Variants in EIF4ENIF1 observed in about 807,000 individuals in gnomAD.
EIF4ENIF1 encodes the protein eukaryotic translation initiation factor 4E nuclear import factor 1.
Under a neutral mutation model 110.5 loss-of-function variants are expected in EIF4ENIF1, and 23 were observed. That is an observed-to-expected ratio of 0.21 (90% CI 0.15 to 0.29). EIF4ENIF1 has a LOEUF of 0.29. Among genes scored for constraint, EIF4ENIF1 ranks in the 10% least tolerant of loss-of-function variants. EIF4ENIF1 has a pLI of 1.00. For missense variants in EIF4ENIF1, 1,031 were observed against 1,221.1 expected, an observed-to-expected ratio of 0.84 and a Z score of 2.32; for synonymous variants, 440 against 437.0, an observed-to-expected ratio of 1.01 and a Z score of -0.09.
chr22:31,475,774 C>T (rs990148668), intron 2 of EIF4ENIF1, among the ~76,000 whole-genome samples: 3 of 150,656 alleles, frequency 2.0e-5, no homozygotes, highest in African/African-American at 7.3e-5. Flanking sequence ...ACTCAGGAGG[C>T]TGCGGTGGGA....
At position 31,478,506 on chromosome 22, in the gene EIF4ENIF1, ACT is replaced by A. The variant is rs1188545461; in HGVS notation, c.97-6591_97-6590del. The stretch of plus-strand genomic sequence containing the variant: ...ACTACAGCATGGGTGACAGAGCAAG[ACT>A]CTGTCTCAAAAAAAAAAAAAAAAAA... On this transcript the variant is annotated intron_variant, in intron 2 of 18. Transcript: ENST00000330125. 7.7e-5 allele frequency among the ~76,000 whole-genome samples: 7 copies of A among 91,150 alleles called. No individual in the cohort carries two copies. The South Asian group carries it at 2.1e-3, about 27-fold the overall frequency. The allele number at this position is 91,150 out of a possible 152,430, so 59.8% of individuals were successfully genotyped here.
intron 16 of EIF4ENIF1, among the ~76,000 whole-genome samples, chr22:31,442,433 C>T (rs2050331204): frequency 6.6e-6 from 1 of 152,102 alleles, no homozygotes; most frequent in African/African-American, 2.4e-5. Flanking sequence ...ATTTCCTCCC[C>T]ACCACCCACC....
At chr22:31,471,944 T>C (rs2051395710) in intron 2 of EIF4ENIF1, 27 bp from the exon 3 acceptor site, 2 of 1,557,706 alleles carry the variant, frequency 1.3e-6, no homozygotes, top group African/African-American at 2.8e-5. Flanking sequence ...AATAGTCATT[T>C]TGAATTACAT....
At chr22:31,468,385 A>G in intron 3 of EIF4ENIF1, 83 bp from the exon 4 acceptor site, 2 of 1,572,240 alleles carry the variant, frequency 1.3e-6, no homozygotes, top group Non-Finnish European at 8.7e-7. Context: ...CTCAGCTAAT[A>G]GTTATGGAAA....
At chr22:31,478,302 CAGG>C (rs1245175985) in intron 2 of EIF4ENIF1, among the ~76,000 whole-genome samples, 1 of 152,006 alleles carries the variant, frequency 6.6e-6, no homozygotes, top group East Asian at 1.9e-4. Flanking sequence ...TCACTTGAGT[CAGG>C]AGTTCATGAG....
At chr22:31,455,081 G>A in intron 9 of EIF4ENIF1, 55 bp downstream of exon 9, 1 of 1,469,334 alleles carries the variant, frequency 6.8e-7, no homozygotes. Context: ...ACTGCCTGAA[G>A]ACTGAACATC....
At chr22:31,491,211 A>G (rs2052269138), upstream of EIF4ENIF1, among the ~76,000 whole-genome samples, 2 of 152,308 alleles carry the variant, frequency 1.3e-5, no homozygotes, top group African/African-American at 2.4e-5. Context: ...AAGGTGGGTA[A>G]AAAACCATAT....
downstream of EIF4ENIF1, among the ~76,000 whole-genome samples, chr22:31,438,114 A>T (rs1198309889): frequency 1.3e-5 from 2 of 152,178 alleles, no homozygotes; most frequent in African/African-American, 4.8e-5. Flanking sequence ...CTACCCTTGT[A>T]GTCAAAAATC....
chr22:31,453,231 T>C, intron 10 of EIF4ENIF1: 2 of 251,500 alleles, frequency 8.0e-6, no homozygotes, highest in South Asian at 8.6e-5. Context: ...CAGTATATTA[T>C]AAACATTTGC....
chr22:31,489,410 G>C (rs1392603343), intron 1 of EIF4ENIF1: 1 of 152,028 alleles, frequency 6.6e-6, no homozygotes, highest in Non-Finnish European at 1.5e-5. Context: ...GCCGGCCGCA[G>C]GGAGGAGGGA....
At chr22:31,469,793 G>A (rs971853478) in intron 3 of EIF4ENIF1, among the ~76,000 whole-genome samples, 1 of 152,118 alleles carries the variant, frequency 6.6e-6, no homozygotes, top group Non-Finnish European at 1.5e-5. Flanking sequence ...TCTGGACTCA[G>A]GTGATCCTCC....
intron 2 of EIF4ENIF1, among the ~76,000 whole-genome samples, chr22:31,481,364 A>G (rs5998000): frequency 2.0e-4 from 30 of 151,042 alleles, no homozygotes; most frequent in African/African-American, 6.6e-4. Flanking sequence ...GTCTCACTAT[A>G]TTGCCCAGTC....
chr22:31,457,292 T>G (rs996444629), intron 7 of EIF4ENIF1, among the ~76,000 whole-genome samples: 1 of 152,226 alleles, frequency 6.6e-6, no homozygotes, highest in Non-Finnish European at 1.5e-5. Flanking sequence ...ATTGCTTTGG[T>G]AGAAATTATG....
intron 3 of EIF4ENIF1, among the ~76,000 whole-genome samples, chr22:31,471,176 TG>T (rs1488204125): frequency 6.6e-6 from 1 of 151,896 alleles, no homozygotes; most frequent in African/African-American, 2.4e-5. Flanking sequence ...TCTGAACGGC[TG>T]AATAGTTTTT....
At chr22:31,448,737 A>C (rs916397899) in intron 12 of EIF4ENIF1, among the ~76,000 whole-genome samples, 1 of 152,240 alleles carries the variant, frequency 6.6e-6, no homozygotes, top group Non-Finnish European at 1.5e-5. Context: ...CTTTTCTTTC[A>C]GTCACATTCT....
chr22:31,438,939 C>A (rs2050214393), downstream of EIF4ENIF1, among the ~76,000 whole-genome samples: 2 of 152,062 alleles, frequency 1.3e-5, no homozygotes, highest in South Asian at 4.1e-4. Flanking sequence ...CTAGGATGGT[C>A]TTGATCTCTT....
chr22:31,446,127 T>C (rs1439691345), intron 14 of EIF4ENIF1, among the ~76,000 whole-genome samples: 1 of 151,154 alleles, frequency 6.6e-6, no homozygotes, highest in African/African-American at 2.4e-5. Flanking sequence ...CTACTAAAAA[T>C]ACAAAAAACT....
At chr22:31,477,536 C>T (rs5997998) in intron 2 of EIF4ENIF1, among the ~76,000 whole-genome samples, 31 of 152,276 alleles carry the variant, frequency 2.0e-4, no homozygotes, top group African/African-American at 6.7e-4. Context: ...TTTTCACTTC[C>T]GTATTCCAGT....
chr22:31,455,321 ATT>A lies in EIF4ENIF1; in HGVS notation c.1100-8_1100-7del. On this transcript the variant is annotated splice_region_variant and splice_polypyrimidine_tract_variant and intron_variant, in intron 8 of 18. Coordinates refer to ENST00000330125, the MANE Select transcript of EIF4ENIF1 (RefSeq NM_019843.4). Reference sequence around the variant, plus strand: ...GAGGATGGCTTGCTCCAGACCTGATATTGCAAATAAACATACTCAAAATTAAT... The same window carrying A: ...GAGGATGGCTTGCTCCAGACCTGATAGCAAATAAACATACTCAAAATTAAT... The A allele has an allele frequency of 6.5e-7, 1 of 1,540,348 alleles. No homozygotes were observed.
Sources: allele counts gnomAD v4.1 joint callset (sites outside exome capture counted in the v4.1 genomes callset), GRCh38; gene constraint gnomAD v4.1.1; transcripts MANE v1.5; gene names NCBI Gene and HGNC (gene_info 2026-07-23, HGNC 2026-07-21).